Variants in PTCHD1 observed in about 807,000 individuals in gnomAD.
The protein encoded by PTCHD1 is patched domain-containing protein 1.
Under a neutral mutation model 34.6 loss-of-function variants are expected in PTCHD1, and 3 were observed. That is an observed-to-expected ratio of 0.09 (90% CI 0.04 to 0.22). PTCHD1 has a LOEUF of 0.22. PTCHD1 is among the 10% of genes least tolerant of loss of function. The pLI is 1.00. For synonymous variants in PTCHD1, 305 were observed against 283.1 expected, an observed-to-expected ratio of 1.08 and a Z score of -0.77; for missense variants, 504 against 685.5, an observed-to-expected ratio of 0.74 and a Z score of 2.96.
rs1358150817 is a variant in PTCHD1 at position 23,379,818 on chromosome X, G to A, written c.579G>A (p.Gly193=). ...GRAVYNGHQL[G]GVTVHSKDRV... is the part of the protein sequence containing the mutation. ...CTGTGTACAATGGGCACCAGCTTGG[G>A]GGCGTCACTGTGCACAGCAAAGACC... The change falls in exon 2 of 3, where the codon GGG becomes GGA. Residue 193 remains glycine, a synonymous_variant. Transcript: ENST00000379361. 5 of 1,209,514 alleles carry A rather than the reference G, an allele frequency of 4.1e-6. No individual in the cohort carries two copies. Among genetic ancestry groups the A allele is most frequent in the Non-Finnish European group, 4.5e-6 (4 of 895,178 alleles).
intron 1 of PTCHD1, among the ~76,000 whole-genome samples, chrX:23,346,070 T>C (rs761256145): frequency 1.8e-5 from 2 of 111,622 alleles, no homozygotes; most frequent in South Asian, 3.8e-4. Context: ...ACATATGGGA[T>C]TGCCAAAGCT....
In PTCHD1 at chrX:23,398,715, G is replaced by A. The variant is rs1444102409; in HGVS notation, c.*4530G>A. 8.9e-6 allele frequency: 1 copy of A among 111,743 alleles called. No individual in the cohort carries two copies. The highest frequency in any genetic ancestry group is 2.8e-4 in the East Asian group (1 of 3,575). The allele number at this position is 111,743 out of a possible 1,213,427, so 9.2% of individuals were successfully genotyped here. On this transcript the variant is annotated 3_prime_UTR_variant, in exon 3 of 3. Coordinates refer to ENST00000379361, the MANE Select transcript of PTCHD1 (RefSeq NM_173495.3). ...CCAACACACTGCAGAGTTCCTCCCTGTGGTGGTTACAACTGTTATTTCTGT... is the reference window on the plus strand; with the variant it reads ...CCAACACACTGCAGAGTTCCTCCCTATGGTGGTTACAACTGTTATTTCTGT...
chrX:23,346,718 C>T (rs953120115), intron 1 of PTCHD1, among the ~76,000 whole-genome samples: 6 of 111,685 alleles, frequency 5.4e-5, no homozygotes, highest in African/African-American at 1.3e-4. Flanking sequence ...AAAGGAGAGT[C>T]GTCAGTTGTC....
chrX:23,376,689 A>G (rs934090450), intron 1 of PTCHD1, among the ~76,000 whole-genome samples: 1 of 111,985 alleles, frequency 8.9e-6, no homozygotes, highest in Non-Finnish European at 1.9e-5. Context: ...ACTCCTTATT[A>G]TAACTCTTGT....
intron 2 of PTCHD1, among the ~76,000 whole-genome samples, 163 bp from the exon 3 acceptor site, chrX:23,392,368 G>T (rs1922860406): frequency 9.0e-6 from 1 of 111,240 alleles, no homozygotes; most frequent in African/African-American, 3.3e-5. Context: ...ATAAAAACAT[G>T]GGTCTATCTC....
chrX:23,401,058 T>TGTGTGTGTGTGTGTGTGTGTGTGTG lies in PTCHD1; in HGVS notation c.*6873_*6874insGTGTGTGTGTGTGTGTGTGTGTGTG, dbSNP rs1569145032. 9.2e-6 allele frequency: 1 copy of TGTGTGTGTGTGTGTGTGTGTGTGTG among 108,397 alleles called. No individual in the cohort carries two copies. The highest frequency in any genetic ancestry group is 3.4e-5 in the African/African-American group (1 of 29,488). 8.9% of individuals were successfully genotyped at this position (108,397 alleles called of 1,213,427 possible). A position where few individuals can be genotyped will look rare whatever the true frequency, so the allele number is the denominator to read the frequency against. ...GTGTGTGTGTGTGTGTGTGTGTGTG[T>TGTGTGTGTGTGTGTGTGTGTGTGTG]TTAGTAGAGATGGGGTTTCACCGTG... On this transcript the variant is annotated 3_prime_UTR_variant, in exon 3 of 3. Coordinates refer to ENST00000379361, the MANE Select transcript of PTCHD1 (RefSeq NM_173495.3).
intron 2 of PTCHD1, among the ~76,000 whole-genome samples, chrX:23,383,794 T>A (rs1239765531): frequency 8.9e-6 from 1 of 112,350 alleles, no homozygotes; most frequent in Non-Finnish European, 1.9e-5. Context: ...TTACTCTAAT[T>A]TGGAGAAGAG....
intron 1 of PTCHD1, among the ~76,000 whole-genome samples, chrX:23,364,233 C>A (rs937994600): frequency 9.1e-6 from 1 of 110,277 alleles, no homozygotes; most frequent in Non-Finnish European, 1.9e-5. Flanking sequence ...ATGAGAGGGC[C>A]CTCTGGGTAC....
chrX:23,369,684 C>T (rs973017679), intron 1 of PTCHD1, among the ~76,000 whole-genome samples: 1 of 111,915 alleles, frequency 8.9e-6, no homozygotes, highest in Non-Finnish European at 1.9e-5. Flanking sequence ...TAGTTTCCTT[C>T]TTTTACCCCT....
At chrX:23,346,067 G>C (rs953172264) in intron 1 of PTCHD1, among the ~76,000 whole-genome samples, 1 of 111,380 alleles carries the variant, frequency 9.0e-6, no homozygotes, top group African/African-American at 3.3e-5. Context: ...ATCACATATG[G>C]GATTGCCAAA....
rs767980519 is a variant in PTCHD1 at position 23,369,485 on chromosome X, T to A, written c.352-10106T>A. Among the ~76,000 whole-genome samples, 11 of 111,624 alleles carry A rather than the reference T, an allele frequency of 9.9e-5. No individual in the cohort carries two copies. The Admixed American group carries it at 1.0e-3, about 11-fold the overall frequency. On this transcript the variant is annotated intron_variant, in intron 1 of 2. Transcript: ENST00000379361. ...CAATTTTCTGAGCCCAGGATTTAAA[T>A]CTGGGCTGATCCACTTACTAAATTT...
rs1922916307 is a variant in PTCHD1 at position 23,394,301 on chromosome X, CCA to C, written c.*117_*118del. On this transcript the variant is annotated 3_prime_UTR_variant, in exon 3 of 3. Transcript: ENST00000379361. ...TTTTAAAGATAGGAAACAGGCATTGCCAAAAAAAAAAAAAAAAAAAAAAGGAA... is the reference window on the plus strand; with the variant it reads ...TTTTAAAGATAGGAAACAGGCATTGCAAAAAAAAAAAAAAAAAAAAAGGAA... 1.3e-4 allele frequency: 15 copies of C among 113,300 alleles called. No homozygotes were observed. The highest frequency in any genetic ancestry group is 5.1e-4 in the South Asian group (1 of 1,963). 9.3% of individuals were successfully genotyped at this position (113,300 alleles called of 1,213,427 possible).
At chrX:23,356,032 T>A (rs904811451) in intron 1 of PTCHD1, among the ~76,000 whole-genome samples, 5 of 112,312 alleles carry the variant, frequency 4.5e-5, no homozygotes, top group African/African-American at 1.6e-4. Flanking sequence ...TGTTTGCTTT[T>A]TTGTTTGCTT....
In PTCHD1 at chrX:23,392,895, T is replaced by C; in HGVS notation, c.1377T>C (p.Phe459=). 8.3e-7 allele frequency: 1 copy of C among 1,211,950 alleles called. No individual in the cohort carries two copies. Among genetic ancestry groups the C allele is most frequent in the Admixed American group, 2.2e-5 (1 of 46,086 alleles). The change falls in exon 3 of 3, where the codon TTT becomes TTC. Residue 459 remains phenylalanine (F), a synonymous_variant. Transcript: ENST00000379361. The stretch of plus-strand genomic sequence containing the variant: ...AGGAGAAGCCGGCATGGTACAGGTT[T>C]CTCCTGACGGCCAGATTCAGTGAGG... ...ALQEKPAWYR[F]LLTARFSEDT...
intron 1 of PTCHD1, among the ~76,000 whole-genome samples, chrX:23,371,204 A>G (rs1035160139): frequency 3.6e-5 from 4 of 112,423 alleles, no homozygotes; most frequent in Non-Finnish European, 7.5e-5. Context: ...CATAATTCAG[A>G]TAACAAAACT....
intron 2 of PTCHD1, 151 bp from the exon 3 acceptor site, chrX:23,392,380 G>A (rs757954117): frequency 2.0e-6 from 1 of 498,183 alleles, no homozygotes; most frequent in South Asian, 2.8e-5. Context: ...GTCTATCTCC[G>A]CATAGGAGAA....
In PTCHD1 at chrX:23,358,640, T is replaced by C. The variant is rs1414677886; in HGVS notation, c.352-20951T>C. Among the ~76,000 whole-genome samples the C allele has an allele frequency of 2.7e-5, 3 of 112,206 alleles. No individual in the cohort carries two copies. The Admixed American group carries it at 2.8e-4, about 11-fold the overall frequency. ...GTAGTTTCTTTTGCTGTGCAGAAGC[T>C]CTTTAGTTTAATTAGACCCCATTTG... On this transcript the variant is annotated intron_variant, in intron 1 of 2. Transcript: ENST00000379361.
intron 2 of PTCHD1, among the ~76,000 whole-genome samples, chrX:23,389,226 C>T (rs753127188): frequency 9.0e-6 from 1 of 111,684 alleles, no homozygotes; most frequent in African/African-American, 3.3e-5. Flanking sequence ...GTCCTCGTGT[C>T]CTAGGGCTTT....
At chrX:23,339,712 C>T (rs1237915814) in intron 1 of PTCHD1, among the ~76,000 whole-genome samples, 1 of 112,173 alleles carries the variant, frequency 8.9e-6, no homozygotes, top group Non-Finnish European at 1.9e-5. Context: ...ATTTCTTCCT[C>T]CACAATCTAA....
Sources: gnomAD v4.1 joint callset for allele counts (sites outside exome capture counted in the v4.1 genomes callset) on GRCh38, gnomAD v4.1.1 for gene constraint, MANE v1.5 for transcripts, NCBI Gene and HGNC (gene_info 2026-07-23, HGNC 2026-07-21) for gene names.